DNAJC10: variants seen among roughly 807,000 people sequenced by gnomAD.
DNAJC10 encodes the protein DnaJ heat shock protein family (Hsp40) member C10.
A neutral mutation model predicts 115.0 loss-of-function variants in DNAJC10; 101 were observed. That is an observed-to-expected ratio of 0.88 (90% CI 0.75 to 1.04). The LOEUF is 1.04. DNAJC10 is among the 50% of genes least tolerant of loss of function. DNAJC10 has a pLI of 0.00. For synonymous variants in DNAJC10, 307 were observed against 301.5 expected (o/e 1.02, Z -0.19); for missense variants, 981 against 928.8 (o/e 1.06, Z -0.73).
intron 10 of DNAJC10, among the ~76,000 whole-genome samples, chr2:182,733,316 A>G (rs1357197420): frequency 6.6e-6 from 1 of 151,712 alleles, no homozygotes; most frequent in Non-Finnish European, 1.5e-5. Flanking sequence ...GTTTTATTTG[A>G]TATTAAAATC....
At chr2:182,722,830 C>G (rs998636667) in intron 5 of DNAJC10, among the ~76,000 whole-genome samples, 2 of 151,924 alleles carry the variant, frequency 1.3e-5, no homozygotes, top group African/African-American at 4.8e-5. Flanking sequence ...ATCCCAGCTA[C>G]TTGGGAGGCT....
At chr2:182,749,606 A>T (rs1693963866) in intron 14 of DNAJC10, among the ~76,000 whole-genome samples, 1 of 151,708 alleles carries the variant, frequency 6.6e-6, no homozygotes, top group African/African-American at 2.4e-5. Flanking sequence ...TTGACTCTTT[A>T]TCCAATTTGC....
chr2:182,724,408 G>A (rs999164719), intron 5 of DNAJC10, among the ~76,000 whole-genome samples: 20 of 152,040 alleles, frequency 1.3e-4, no homozygotes, highest in Non-Finnish European at 2.4e-4. Context: ...AGATAAAAAG[G>A]CGAGGGTAAT....
At chr2:182,722,944 A>T (rs1693189992) in intron 5 of DNAJC10, among the ~76,000 whole-genome samples, 1 of 152,088 alleles carries the variant, frequency 6.6e-6, no homozygotes, top group Non-Finnish European at 1.5e-5. Context: ...CGCAAAAAAT[A>T]CATATAAATC....
At chr2:182,721,667 A>G (rs1693152860) in intron 4 of DNAJC10, among the ~76,000 whole-genome samples, 1 of 152,144 alleles carries the variant, frequency 6.6e-6, no homozygotes, top group South Asian at 2.1e-4. Flanking sequence ...TGTCACCATT[A>G]GAGGAAGGTG....
At position 182,784,815 on chromosome 2, in the gene DNAJC10, T is replaced by A. The variant is rs555875933; in HGVS notation, c.*7683T>A. On this transcript the variant is annotated 3_prime_UTR_variant, in exon 24 of 24. Coordinates refer to ENST00000264065, the MANE Select transcript of DNAJC10 (RefSeq NM_018981.4). ...AGGATTTTTAGGGCTTCATAATTTCTTGTTGCTCTGTGTAAATCCCTCTGA... is the reference window on the plus strand; with the variant it reads ...AGGATTTTTAGGGCTTCATAATTTCATGTTGCTCTGTGTAAATCCCTCTGA... 15 of 152,214 alleles carry A rather than the reference T, an allele frequency of 9.9e-5. No homozygotes were observed. The highest frequency in any genetic ancestry group is 2.9e-4 in the African/African-American group (12 of 41,458). The allele number at this position is 152,214 out of a possible 1,614,324, so 9.4% of individuals were successfully genotyped here.
intron 5 of DNAJC10, among the ~76,000 whole-genome samples, chr2:182,724,149 G>A (rs1478909245): frequency 6.6e-6 from 1 of 152,162 alleles, no homozygotes; most frequent in African/African-American, 2.4e-5. Context: ...ATACAGTAAG[G>A]ATTGCGGGGA....
rs897988299 is a variant in DNAJC10 at position 182,789,805 on chromosome 2, T to C, written c.*12673T>C. On this transcript the variant is annotated 3_prime_UTR_variant, in exon 24 of 24. Transcript: ENST00000264065. Reference sequence around the variant, plus strand: ...ATTCCCACCAATAGTGCACAAGAGTTCTGATTTTTCCACATCCTCACCAAC... The same window carrying C: ...ATTCCCACCAATAGTGCACAAGAGTCCTGATTTTTCCACATCCTCACCAAC... The C allele has an allele frequency of 2.0e-5, 3 of 152,176 alleles. No homozygotes were observed. Among genetic ancestry groups the C allele is most frequent in the Admixed American group, 6.5e-5 (1 of 15,286 alleles). The allele number at this position is 152,176 out of a possible 1,614,324, so 9.4% of individuals were successfully genotyped here. A position where few individuals can be genotyped will look rare whatever the true frequency, so the allele number is the denominator to read the frequency against.
Position 182,756,330 on chromosome 2 carries a change from CA to C in DNAJC10, c.1671del (p.Val558TrpfsTer12), listed in dbSNP as rs745568898. 6.2e-7 allele frequency: 1 copy of C among 1,612,780 alleles called. No homozygotes were observed. Among genetic ancestry groups the C allele is most frequent in the Admixed American group, 1.7e-5 (1 of 59,870 alleles). On this transcript the variant is annotated frameshift_variant, in exon 18 of 24. Transcript: ENST00000264065. LOFTEE classifies it high-confidence loss of function. Reference sequence around the variant, plus strand: ...TCTCTTCAGGATCTTATGAATCCTTCAGTGGTCTCCCTTACACCCACCACCT... The same window carrying C: ...TCTCTTCAGGATCTTATGAATCCTTCGTGGTCTCCCTTACACCCACCACCT... Reference protein sequence around the residue: ...LEFIEDLMNPSVVSLTPTTFN... With the variant: ...LEFIEDLMNPXVVSLTPTTFN...
At chr2:182,722,887 C>T (rs1693188120) in intron 5 of DNAJC10, among the ~76,000 whole-genome samples, 1 of 151,992 alleles carries the variant, frequency 6.6e-6, no homozygotes, top group South Asian at 2.1e-4. Context: ...TTGCAGTGAG[C>T]CATGATGGCA....
chr2:182,758,439 A>G (rs994973549), intron 19 of DNAJC10, among the ~76,000 whole-genome samples: 1 of 152,228 alleles, frequency 6.6e-6, no homozygotes, highest in African/African-American at 2.4e-5. Context: ...GGTCACAACT[A>G]TGAGGAAATT....
At chr2:182,735,184 C>G (rs1482086367) in intron 10 of DNAJC10, among the ~76,000 whole-genome samples, 1 of 151,118 alleles carries the variant, frequency 6.6e-6, no homozygotes. Context: ...CTTTGGTTAC[C>G]TGTCCTTTTA....
chr2:182,719,323 G>A (rs1358813332), intron 3 of DNAJC10, among the ~76,000 whole-genome samples: 3 of 144,286 alleles, frequency 2.1e-5, no homozygotes, highest in Non-Finnish European at 4.5e-5. Context: ...TGACGCCAGC[G>A]GCTTCCTGCA....
intron 2 of DNAJC10, among the ~76,000 whole-genome samples, chr2:182,717,678 A>G (rs1413111050): frequency 1.3e-5 from 2 of 152,232 alleles, no homozygotes. Context: ...GATGCTCGTC[A>G]GAGGTCTTTT....
chr2:182,783,391 TTAGA>T lies in DNAJC10; in HGVS notation c.*6262_*6265del, dbSNP rs1245485620. On this transcript the variant is annotated 3_prime_UTR_variant, in exon 24 of 24. Transcript: ENST00000264065. ...GCATTGAAATATCTTTCTCAAGTCA[TTAGA>T]TAAAGTATATGGCGTTAAGGCAAAA... The T allele has an allele frequency of 3.3e-5, 5 of 152,106 alleles. No homozygotes were observed. The highest frequency in any genetic ancestry group is 6.6e-5 in the Admixed American group (1 of 15,260). The allele number at this position is 152,106 out of a possible 1,614,324, so 9.4% of individuals were successfully genotyped here.
chr2:182,750,091 G>C (rs978300428), intron 14 of DNAJC10, among the ~76,000 whole-genome samples: 1 of 152,186 alleles, frequency 6.6e-6, no homozygotes, highest in Non-Finnish European at 1.5e-5. Flanking sequence ...ATTTGTAAAA[G>C]ACCAAGAATG....
chr2:182,756,565 A>G, intron 18 of DNAJC10, 96 bp downstream of exon 18: 1 of 1,184,254 alleles, frequency 8.4e-7, no homozygotes, highest in Non-Finnish European at 1.2e-6. Flanking sequence ...ACCCACAACT[A>G]AATTATTACT....
At chr2:182,733,128 C>A (rs1223642932) in intron 10 of DNAJC10, among the ~76,000 whole-genome samples, 2 of 151,906 alleles carry the variant, frequency 1.3e-5, no homozygotes, top group Non-Finnish European at 2.9e-5. Flanking sequence ...TCTATAATTT[C>A]TAAGAGGGAT....
At position 182,786,927 on chromosome 2, in the gene DNAJC10, A is replaced by T. The variant is rs1280100656; in HGVS notation, c.*9795A>T. On this transcript the variant is annotated 3_prime_UTR_variant, in exon 24 of 24. Coordinates refer to ENST00000264065, the MANE Select transcript of DNAJC10 (RefSeq NM_018981.4). ...CCTCCTTTTTGAGATTGGTACACTT[A>T]TAAAAGAGACCCCAGTATCTTGCTC... 1.3e-5 allele frequency: 2 copies of T among 152,172 alleles called. No individual in the cohort carries two copies. The highest frequency in any genetic ancestry group is 4.8e-5 in the African/African-American group (2 of 41,426). 9.4% of individuals were successfully genotyped at this position (152,172 alleles called of 1,614,324 possible). A position where few individuals can be genotyped will look rare whatever the true frequency, so the allele number is the denominator to read the frequency against.
Sources: gnomAD v4.1 joint callset for allele counts (sites outside exome capture counted in the v4.1 genomes callset) on GRCh38, gnomAD v4.1.1 for gene constraint, MANE v1.5 for transcripts, NCBI Gene and HGNC (gene_info 2026-07-23, HGNC 2026-07-21) for gene names.